Variants in KANSL1L observed in about 807,000 individuals in gnomAD.
KANSL1L encodes the protein KAT8 regulatory NSL complex subunit 1-like protein.
Under a neutral mutation model 108.6 loss-of-function variants are expected in KANSL1L, and 25 were observed. That is an observed-to-expected ratio of 0.23 (90% confidence interval 0.17 to 0.32). KANSL1L has a LOEUF of 0.32. Ranked by LOEUF, KANSL1L falls within the 10% of genes least tolerant of loss-of-function variation. KANSL1L has a pLI of 1.00. For missense variants in KANSL1L, 1,137 were observed against 1,125.7 expected, an observed-to-expected ratio of 1.01 and a Z score of -0.14; for synonymous variants, 405 against 395.1, an observed-to-expected ratio of 1.03 and a Z score of -0.30.
intron 6 of KANSL1L, among the ~76,000 whole-genome samples, chr2:210,059,568 T>C (rs192722394): frequency 1.3e-5 from 2 of 152,208 alleles, no homozygotes; most frequent in Admixed American, 6.5e-5. Context: ...ATATAAAGCA[T>C]ATTTTCTCAC....
chr2:210,029,867 G>A lies in KANSL1L; in HGVS notation c.2207C>T (p.Ser736Phe), dbSNP rs1192877369. The A allele has an allele frequency of 1.2e-6, 2 of 1,607,062 alleles. No individual in the cohort carries two copies. The highest frequency in any genetic ancestry group is 1.1e-5 in the South Asian group (1 of 90,046). The change falls in exon 10 of 15, where the codon TCC (serine) becomes TTC (phenylalanine). Residue 736 changes from serine to phenylalanine, a missense_variant. By Grantham distance (155) the Ser-to-Phe change is radical (BLOSUM62 -2). Transcript: ENST00000281772. ...ESDFQHTESG[S>F]HSNFTAVSNV... ...GGAAACAGCAGTAAAATTGCTATGG[G>A]ATCCTGATTCTGTGTGTTGAAAATC... is the stretch of plus-strand genomic sequence containing the variant.
Position 210,153,869 on chromosome 2 carries a change from A to G in KANSL1L, c.714T>C (p.Ala238=). The G allele has an allele frequency of 1.2e-6, 2 of 1,612,950 alleles. No homozygotes were observed. The highest frequency in any genetic ancestry group is 8.5e-7 in the Non-Finnish European group (1 of 1,179,720). The change falls in exon 2 of 15, where the codon GCT becomes GCC. Residue 238 remains alanine, a synonymous_variant. Coordinates refer to ENST00000281772, the MANE Select transcript of KANSL1L (RefSeq NM_152519.4). ...VSKQKILLSQ[A]RRTQKHLQML... is the part of the protein sequence containing the mutation. ...TCTGCAAATGTTTCTGAGTTCTTCT[A>G]GCCTGGCTAAGTAAAATTTTCTGTT...
chr2:210,170,908 T>A (rs1282863984), intron 1 of KANSL1L, among the ~76,000 whole-genome samples: 1 of 106,460 alleles, frequency 9.4e-6, no homozygotes, highest in East Asian at 3.0e-4. Context: ...CCTCCCCAGC[T>A]GCCAAGGCTG....
At chr2:210,127,422 T>G (rs1227905275) in intron 3 of KANSL1L, among the ~76,000 whole-genome samples, 5 of 151,988 alleles carry the variant, frequency 3.3e-5, no homozygotes, top group Non-Finnish European at 7.4e-5. Context: ...GCACAGGTAA[T>G]AAAAGAAAAA....
At chr2:210,081,113 A>G (rs2094586327) in intron 5 of KANSL1L, among the ~76,000 whole-genome samples, 1 of 152,006 alleles carries the variant, frequency 6.6e-6, no homozygotes, top group Admixed American at 6.6e-5. Flanking sequence ...TCTCAGAAAA[A>G]CAAAACAAAC....
rs767763798 is a variant in KANSL1L, at chr2:210,104,120, C to T, written c.1412G>A (p.Arg471Gln). Residue 471 changes from arginine (R) to glutamine (Q), a missense_variant, in exon 4 of 15, where the codon CGA (arginine) becomes CAA (glutamine). Coordinates refer to ENST00000281772, the MANE Select transcript of KANSL1L (RefSeq NM_152519.4). The stretch of plus-strand genomic sequence containing the variant: ...TGACTTTACCTGTTTTTCGATGTTT[C>T]GAAGAAGTAAAGTAGGGCTGCTTGG... Reference protein sequence around the residue: ...MSPSSPTLLLRNIEKQSAQLT... With the variant: ...MSPSSPTLLLQNIEKQSAQLT... The T allele has an allele frequency of 5.3e-5, 85 of 1,613,310 alleles. No homozygotes were observed. The highest frequency in any genetic ancestry group is 1.3e-4 in the East Asian group (6 of 44,844).
At chr2:210,132,705 GCTAGACC>G (rs991448943) in intron 2 of KANSL1L, among the ~76,000 whole-genome samples, 4 of 152,128 alleles carry the variant, frequency 2.6e-5, no homozygotes, top group Non-Finnish European at 5.9e-5. Context: ...TTTACTGTTT[GCTAGACC>G]CTATTTGTTA....
intron 3 of KANSL1L, among the ~76,000 whole-genome samples, chr2:210,104,959 A>G (rs1202200547): frequency 6.6e-6 from 1 of 152,100 alleles, no homozygotes; most frequent in Non-Finnish European, 1.5e-5. Context: ...TCTGAAATGT[A>G]AGGAACTGGG....
chr2:210,157,691 GAAAAAAAAAA>G (rs56676129), intron 1 of KANSL1L, among the ~76,000 whole-genome samples: 1,612 of 47,210 alleles, frequency 0.034, 37 homozygotes, highest in African/African-American at 0.091. Context: ...CACTGTCACA[GAAAAAAAAAA>G]AAAAAAAAAA....
intron 6 of KANSL1L, among the ~76,000 whole-genome samples, chr2:210,047,539 A>T (rs890613089): frequency 1.3e-5 from 2 of 152,192 alleles, no homozygotes; most frequent in African/African-American, 4.8e-5. Flanking sequence ...CTGAGGTTTT[A>T]TCAGAATGGC....
intron 3 of KANSL1L, among the ~76,000 whole-genome samples, chr2:210,107,592 A>G (rs1265964387): frequency 6.6e-6 from 1 of 150,896 alleles, no homozygotes; most frequent in Non-Finnish European, 1.5e-5. Flanking sequence ...GCAGTGGCGC[A>G]ATCTTGACTC....
intron 3 of KANSL1L, among the ~76,000 whole-genome samples, chr2:210,124,844 A>G (rs149226566): frequency 6.6e-6 from 1 of 152,296 alleles, no homozygotes; most frequent in Non-Finnish European, 1.5e-5. Context: ...AAAGAAATAA[A>G]ACAGATGACA....
At position 210,040,024 on chromosome 2, in the gene KANSL1L, C is replaced by G. The variant is rs139182578; in HGVS notation, c.2029+396G>C. Among the ~76,000 whole-genome samples the G allele has an allele frequency of 9.2e-5, 14 of 151,694 alleles. 1 individual carries two copies. The East Asian group carries it at 2.7e-3, about 29-fold the overall frequency. ...TTTATAATAATTCCTTTTATATTTTCCCCTGTTTAGTCTTCCCATTGTGCT... is the reference window on the plus strand; with the variant it reads ...TTTATAATAATTCCTTTTATATTTTGCCCTGTTTAGTCTTCCCATTGTGCT... On this transcript the variant is annotated intron_variant, in intron 8 of 14. Transcript: ENST00000281772.
chr2:210,125,848 C>T (rs1231306672), intron 3 of KANSL1L, among the ~76,000 whole-genome samples: 1 of 152,144 alleles, frequency 6.6e-6, no homozygotes, highest in Non-Finnish European at 1.5e-5. Context: ...ATAAAAGCCA[C>T]ATATGAAAAC....
At chr2:210,157,908 AAAAG>A (rs369527261) in intron 1 of KANSL1L, among the ~76,000 whole-genome samples, 25 of 151,954 alleles carry the variant, frequency 1.6e-4, no homozygotes, top group African/African-American at 6.0e-4. Context: ...CTGTCAAAAA[AAAAG>A]AAAGCAGATT....
chr2:210,022,538 C>A lies in KANSL1L; in HGVS notation c.*411G>T. ...CATATTTGTATATTCTAATATATTA[C>A]TAAGGCAATTTTAATGAATTACCAT... On this transcript the variant is annotated 3_prime_UTR_variant, in exon 15 of 15. Transcript: ENST00000281772. 5.8e-6 allele frequency: 1 copy of A among 171,422 alleles called. No individual in the cohort carries two copies. The highest frequency in any genetic ancestry group is 1.3e-5 in the Non-Finnish European group (1 of 79,538). 10.6% of individuals were successfully genotyped at this position (171,422 alleles called of 1,614,324 possible).
At chr2:210,093,428 G>A (rs143156415) in intron 5 of KANSL1L, among the ~76,000 whole-genome samples, 9 of 152,318 alleles carry the variant, frequency 5.9e-5, no homozygotes, top group Admixed American at 5.2e-4. Context: ...TTACAGGCAT[G>A]AGGAATCTCA....
intron 5 of KANSL1L, 81 bp from the exon 6 acceptor site, chr2:210,075,837 T>G (rs774441284): frequency 6.9e-5 from 72 of 1,043,046 alleles, no homozygotes; most frequent in Non-Finnish European, 9.5e-5. Context: ...GAAAACTAAA[T>G]GTAAATTGCC....
At chr2:210,145,030 T>C (rs1380213618) in intron 2 of KANSL1L, among the ~76,000 whole-genome samples, 1 of 152,212 alleles carries the variant, frequency 6.6e-6, no homozygotes, top group East Asian at 1.9e-4. Context: ...GTGACAGTTC[T>C]GACTCCAGTA....
Sources: gnomAD v4.1 joint callset for allele counts (sites outside exome capture counted in the v4.1 genomes callset) on GRCh38, gnomAD v4.1.1 for gene constraint, MANE v1.5 for transcripts, NCBI Gene and HGNC (gene_info 2026-07-23, HGNC 2026-07-21) for gene names.